SMAD3: variants seen among roughly 807,000 people sequenced by gnomAD.
The protein encoded by SMAD3 is MAD homolog 3.
A neutral mutation model predicts 51.8 loss-of-function variants in SMAD3; 12 were observed. The observed-to-expected ratio is 0.23, with a 90% CI of 0.15 to 0.38. The LOEUF (loss-of-function observed/expected upper bound fraction) is 0.38, where lower values mean the gene tolerates loss of function less well. Among genes scored for constraint, SMAD3 ranks in the 10% least tolerant of loss-of-function variants. The probability of loss-of-function intolerance (pLI) is 1.00; values close to 1 mark genes in which losing one functional copy is unlikely to be tolerated. For missense variants in SMAD3, 294 were observed against 565.6 expected (o/e 0.52, Z 4.87); for synonymous variants, 238 against 227.7 (o/e 1.05, Z -0.41).
At chr15:67,169,146 C>A (rs1046252086) in intron 4 of SMAD3, among the ~76,000 whole-genome samples, 20 of 152,046 alleles carry the variant, frequency 1.3e-4, no homozygotes, top group African/African-American at 4.4e-4. Flanking sequence ...TCATTTTATA[C>A]CTGAGGAAAA....
Position 67,193,484 on chromosome 15 carries a change from C to T in SMAD3, c.*2948C>T, listed in dbSNP as rs183703685. On this transcript the variant is annotated 3_prime_UTR_variant, in exon 9 of 9. Coordinates refer to ENST00000327367, the MANE Select transcript of SMAD3 (RefSeq NM_005902.4). ...TTTAGTAACTTAGATGCTTCCAGCA[C>T]ATACGTAGGTAGCTACCCCAGCCGG... 4.4e-4 allele frequency: 103 copies of T among 233,882 alleles called. No individual in the cohort carries two copies. The highest frequency in any genetic ancestry group is 2.1e-3 in the African/African-American group (95 of 45,472). The allele number at this position is 233,882 out of a possible 1,614,324, so 14.5% of individuals were successfully genotyped here.
chr15:67,071,588 G>A (rs1439367607), intron 1 of SMAD3, among the ~76,000 whole-genome samples: 1 of 152,144 alleles, frequency 6.6e-6, no homozygotes, highest in Non-Finnish European at 1.5e-5. Context: ...GAGGCAGGCG[G>A]ATCACGAGGT....
intron 1 of SMAD3, among the ~76,000 whole-genome samples, chr15:67,090,188 C>T (rs1255538151): frequency 6.6e-6 from 1 of 152,158 alleles, no homozygotes. Flanking sequence ...TTTTGCAGGA[C>T]TGAGAGGTGG....
chr15:67,135,636 G>C (rs1961641009), intron 1 of SMAD3, among the ~76,000 whole-genome samples: 1 of 152,020 alleles, frequency 6.6e-6, no homozygotes. Flanking sequence ...CTCAGGCCAA[G>C]AATTTCCTCA....
intron 1 of SMAD3, among the ~76,000 whole-genome samples, chr15:67,085,868 G>A (rs1455172804): frequency 5.0e-5 from 5 of 100,152 alleles, no homozygotes; most frequent in East Asian, 6.6e-4. Flanking sequence ...AAAAAAGCGT[G>A]CACACACACA....
intron 1 of SMAD3, among the ~76,000 whole-genome samples, chr15:67,164,316 G>GAAAAA (rs59880604): frequency 6.3e-4 from 53 of 83,628 alleles, no homozygotes; most frequent in Non-Finnish European, 8.5e-4. Flanking sequence ...CTCCGTCTCA[G>GAAAAA]AAAAAAAAAA....
intron 1 of SMAD3, among the ~76,000 whole-genome samples, chr15:67,151,555 A>ACTCCTGAC (rs1368678519): frequency 6.6e-6 from 1 of 151,998 alleles, no homozygotes; most frequent in Admixed American, 6.6e-5. Context: ...CTGGTCTCGA[A>ACTCCTGAC]CTCCTGACCT....
chr15:67,088,152 G>T (rs1960433798), intron 1 of SMAD3, among the ~76,000 whole-genome samples: 1 of 152,214 alleles, frequency 6.6e-6, no homozygotes, highest in South Asian at 2.1e-4. Context: ...GTGCTGCTGT[G>T]TGTAATTCTG....
chr15:67,163,790 G>T (rs1962494318), intron 1 of SMAD3, among the ~76,000 whole-genome samples: 1 of 151,944 alleles, frequency 6.6e-6, no homozygotes, highest in Non-Finnish European at 1.5e-5. Context: ...CTGGCCAATT[G>T]TAAGTAGGCA....
At chr15:67,092,637 C>T (rs1960531325) in intron 1 of SMAD3, among the ~76,000 whole-genome samples, 1 of 152,160 alleles carries the variant, frequency 6.6e-6, no homozygotes, top group Non-Finnish European at 1.5e-5. Context: ...GGGCAGGATA[C>T]TGAGGAGGGT....
intron 1 of SMAD3, among the ~76,000 whole-genome samples, chr15:67,082,876 T>C (rs1026830926): frequency 8.5e-5 from 13 of 152,200 alleles, no homozygotes; most frequent in Non-Finnish European, 1.9e-4. Context: ...TTTTTTGAGG[T>C]CTTCTTGTTT....
rs11333560 is a variant in SMAD3, at chr15:67,169,622, A to ATTTT, written c.608-916_608-913dup. On this transcript the variant is annotated intron_variant, in intron 4 of 8. Transcript: ENST00000327367. ...CCTCAGCCTTCACCACTTACGGCTT[A>ATTTT]TTTTTTTTTTTTTTTTTTTCTGTAG... Among the ~76,000 whole-genome samples the ATTTT allele has an allele frequency of 7.0e-5, 9 of 127,918 alleles. No homozygotes were observed. The East Asian group carries it at 1.9e-3, about 26-fold the overall frequency. The allele number at this position is 127,918 out of a possible 152,430, so 83.9% of individuals were successfully genotyped here. A position where few individuals can be genotyped will look rare whatever the true frequency, so the allele number is the denominator to read the frequency against.
At chr15:67,117,982 C>T (rs1961173485) in intron 1 of SMAD3, among the ~76,000 whole-genome samples, 1 of 152,210 alleles carries the variant, frequency 6.6e-6, no homozygotes, top group South Asian at 2.1e-4. Flanking sequence ...ATCCCAGCTA[C>T]TCAGGAGGCT....
intron 6 of SMAD3, among the ~76,000 whole-genome samples, chr15:67,182,986 TAA>T (rs35277759): frequency 0.033 from 1,566 of 47,944 alleles, 82 homozygotes; most frequent in African/African-American, 0.052. Context: ...TATATTTTAT[TAA>T]AAAAAAAAAA....
intron 1 of SMAD3, among the ~76,000 whole-genome samples, chr15:67,085,873 C>CAA (rs1281382562): frequency 1.1e-5 from 1 of 87,856 alleles, no homozygotes; most frequent in Non-Finnish European, 2.5e-5. Context: ...AGCGTGCACA[C>CAA]ACACACACAC....
intron 1 of SMAD3, among the ~76,000 whole-genome samples, chr15:67,139,079 A>G (rs1834764759): frequency 6.6e-6 from 1 of 152,186 alleles, no homozygotes; most frequent in Non-Finnish European, 1.5e-5. Context: ...TGCCCCATAA[A>G]ATGGGCTTGG....
intron 1 of SMAD3, among the ~76,000 whole-genome samples, chr15:67,135,558 TAA>T (rs398118955): frequency 6.6e-4 from 101 of 152,278 alleles, no homozygotes; most frequent in South Asian, 2.7e-3. Flanking sequence ...TGTTTTTTTT[TAA>T]AAAAAACTTT....
In SMAD3 at chr15:67,163,616, T is replaced by C. The variant is rs1962489017; in HGVS notation, c.207-1279T>C. On this transcript the variant is annotated intron_variant, in intron 1 of 8. Coordinates refer to ENST00000327367, the MANE Select transcript of SMAD3 (RefSeq NM_005902.4). ...CACAAAGGGAAAGATTCTGATTTAGTAGGTTGGGGTAGGCGCTGAGAATGT... is the reference window on the plus strand; with the variant it reads ...CACAAAGGGAAAGATTCTGATTTAGCAGGTTGGGGTAGGCGCTGAGAATGT... Among the ~76,000 whole-genome samples the C allele has an allele frequency of 2.6e-5, 4 of 152,114 alleles. No individual in the cohort carries two copies. In the South Asian group the frequency reaches 8.3e-4, roughly 32 times the overall value.
intron 8 of SMAD3, among the ~76,000 whole-genome samples, chr15:67,188,060 G>A (rs1025526355): frequency 1.3e-5 from 2 of 152,078 alleles, no homozygotes; most frequent in Admixed American, 1.3e-4. Flanking sequence ...GAAGGGAGGA[G>A]GAGATTTGGG....
Sources: allele counts gnomAD v4.1 joint callset (sites outside exome capture counted in the v4.1 genomes callset), GRCh38; gene constraint gnomAD v4.1.1; transcripts MANE v1.5; gene names NCBI Gene and HGNC (gene_info 2026-07-23, HGNC 2026-07-21).